The following CNTNAP2 variants were observed in gnomAD, a reference collection of about 807,000 sequenced individuals.
The protein encoded by CNTNAP2 is contactin-associated protein-like 2.
CNTNAP2 carries 98 observed loss-of-function variants against 155.2 expected under a neutral mutation model. The observed-to-expected ratio is 0.63, with a 90% CI of 0.54 to 0.75. The LOEUF is 0.75. Ranked by LOEUF, CNTNAP2 falls within the 30% of genes least tolerant of loss-of-function variation. The probability of loss-of-function intolerance (pLI) is 0.00; values close to 1 mark genes in which losing one functional copy is unlikely to be tolerated. For synonymous variants in CNTNAP2, 651 were observed against 631.2 expected, an observed-to-expected ratio of 1.03 and a Z score of -0.47; for missense variants, 1,727 against 1,688.1, an observed-to-expected ratio of 1.02 and a Z score of -0.40.
At chr7:146,500,112 G>C (rs1195096657) in intron 1 of CNTNAP2, among the ~76,000 whole-genome samples, 1 of 141,278 alleles carries the variant, frequency 7.1e-6, no homozygotes, top group Admixed American at 6.8e-5. Flanking sequence ...GAATTCCTTA[G>C]AATTCCTAAA....
At chr7:147,709,580 C>T (rs1473065295) in intron 13 of CNTNAP2, among the ~76,000 whole-genome samples, 1 of 152,116 alleles carries the variant, frequency 6.6e-6, no homozygotes, top group African/African-American at 2.4e-5. Context: ...GAAGAAAGGA[C>T]ACCTCATCTA....
chr7:146,649,073 T>C (rs1479846992), intron 1 of CNTNAP2, among the ~76,000 whole-genome samples: 1 of 152,132 alleles, frequency 6.6e-6, no homozygotes, highest in African/African-American at 2.4e-5. Flanking sequence ...AAAGTGGATT[T>C]CTTAAGGAAA....
chr7:146,649,257 G>T (rs1048409979), intron 1 of CNTNAP2, among the ~76,000 whole-genome samples: 2 of 151,982 alleles, frequency 1.3e-5, no homozygotes, highest in African/African-American at 4.8e-5. Context: ...AAATTTAGCT[G>T]AATACCTGGA....
At chr7:147,941,117 C>G (rs1369344882) in intron 14 of CNTNAP2, among the ~76,000 whole-genome samples, 1 of 152,048 alleles carries the variant, frequency 6.6e-6, no homozygotes, top group African/African-American at 2.4e-5. Context: ...GAGAGTAGCT[C>G]CAACATGAGG....
chr7:147,833,197 A>C (rs1158580479), intron 13 of CNTNAP2, among the ~76,000 whole-genome samples: 1 of 151,876 alleles, frequency 6.6e-6, no homozygotes, highest in Non-Finnish European at 1.5e-5. Context: ...GGGTATAAAA[A>C]TATGCGGGAA....
At chr7:147,670,771 A>G (rs1432730365) in intron 13 of CNTNAP2, among the ~76,000 whole-genome samples, 2 of 152,060 alleles carry the variant, frequency 1.3e-5, no homozygotes, top group Non-Finnish European at 2.9e-5. Context: ...ATATGACCTC[A>G]TTTCTCCTGA....
chr7:146,821,556 G>T (rs568020078), intron 2 of CNTNAP2, among the ~76,000 whole-genome samples: 138 of 152,138 alleles, frequency 9.1e-4, no homozygotes, highest in East Asian at 6.2e-3. Flanking sequence ...GGGAGAAAAT[G>T]TTCGCAACCT....
chr7:147,253,321 C>A (rs906872799), intron 8 of CNTNAP2, among the ~76,000 whole-genome samples: 1 of 150,304 alleles, frequency 6.7e-6, no homozygotes, highest in Non-Finnish European at 1.5e-5. Context: ...TCCCTAGCCA[C>A]GTAGAAGCAT....
chr7:147,656,941 A>G (rs77574850), intron 13 of CNTNAP2, among the ~76,000 whole-genome samples: 2 of 152,220 alleles, frequency 1.3e-5, no homozygotes, highest in East Asian at 3.9e-4. Context: ...CTGTGTGGGA[A>G]CATAACATGA....
chr7:147,920,089 T>G lies in CNTNAP2; in HGVS notation c.2255+16368T>G, dbSNP rs557071755. 1.3e-3 allele frequency among the ~76,000 whole-genome samples: 199 copies of G among 151,628 alleles called. 1 individual carries two copies. The highest frequency in any genetic ancestry group is 4.6e-3 in the African/African-American group (191 of 41,406). On this transcript the variant is annotated intron_variant, in intron 14 of 23. Coordinates refer to ENST00000361727, the MANE Select transcript of CNTNAP2 (RefSeq NM_014141.6). ...AAAAGTATGCCTTGGCCGGGCGCGG[T>G]GGCTCATGCCTGTAATCCCAGCACT...
chr7:146,872,274 CA>C (rs1410082092), intron 3 of CNTNAP2, among the ~76,000 whole-genome samples: 1 of 150,002 alleles, frequency 6.7e-6, no homozygotes, highest in Non-Finnish European at 1.5e-5. Flanking sequence ...GACCACCCCC[CA>C]AAAAACAAAC....
intron 4 of CNTNAP2, among the ~76,000 whole-genome samples, chr7:147,046,383 C>T (rs563075851): frequency 2.7e-4 from 41 of 152,296 alleles, no homozygotes; most frequent in Middle Eastern, 3.4e-3. Context: ...CATTATTTTA[C>T]ACTTGACTTC....
At chr7:146,363,281 C>G (rs1387405159) in intron 1 of CNTNAP2, among the ~76,000 whole-genome samples, 1 of 152,172 alleles carries the variant, frequency 6.6e-6, no homozygotes, top group African/African-American at 2.4e-5. Flanking sequence ...TGGGCAGTCA[C>G]TTACCTGTGT....
intron 8 of CNTNAP2, among the ~76,000 whole-genome samples, chr7:147,174,999 A>G (rs1008662698): frequency 6.6e-6 from 1 of 152,162 alleles, no homozygotes; most frequent in African/African-American, 2.4e-5. Flanking sequence ...ATAATGAGGA[A>G]ACATCTCAGG....
intron 3 of CNTNAP2, among the ~76,000 whole-genome samples, chr7:147,007,321 A>G (rs1009740130): frequency 6.6e-6 from 1 of 152,080 alleles, no homozygotes; most frequent in South Asian, 2.1e-4. Flanking sequence ...CACAGAGCAT[A>G]AATTTTCTTT....
chr7:147,700,846 A>C (rs1584907408), intron 13 of CNTNAP2, among the ~76,000 whole-genome samples: 1 of 152,154 alleles, frequency 6.6e-6, no homozygotes, highest in African/African-American at 2.4e-5. Context: ...ACTTATAACT[A>C]TTACTCATCA....
chr7:147,539,254 G>T (rs1285050423), intron 11 of CNTNAP2, among the ~76,000 whole-genome samples: 1 of 151,948 alleles, frequency 6.6e-6, no homozygotes, highest in African/African-American at 2.4e-5. Context: ...ATGAGACCTG[G>T]TACTTACACA....
At chr7:146,117,067 C>A in intron 1 of CNTNAP2, 94 bp downstream of exon 1, 2 of 1,045,062 alleles carry the variant, frequency 1.9e-6, no homozygotes, top group Non-Finnish European at 1.4e-6. Flanking sequence ...CATCGCAGTG[C>A]TGGCACCCTG....
intron 15 of CNTNAP2, among the ~76,000 whole-genome samples, chr7:148,038,366 C>G (rs16883800): frequency 0.077 from 11,774 of 152,260 alleles, 1,101 homozygotes; most frequent in African/African-American, 0.22. Flanking sequence ...TTAAAATTCT[C>G]TGATCCTTTG....
Sources: gnomAD v4.1 joint callset for allele counts (sites outside exome capture counted in the v4.1 genomes callset) on GRCh38, gnomAD v4.1.1 for gene constraint, MANE v1.5 for transcripts, NCBI Gene and HGNC (gene_info 2026-07-23, HGNC 2026-07-21) for gene names.